Variants in PRR33 observed in about 807,000 individuals in gnomAD.
PRR33 encodes the protein proline rich 33.
In PRR33, 1 loss-of-function variant was observed where a neutral mutation model predicts 0.5. The observed-to-expected ratio is 2.18, with a 90% confidence interval of 0.77 to 10.34. The LOEUF (loss-of-function observed/expected upper bound fraction) is 10.34. PRR33 is among the 30% of genes most tolerant of loss of function. The probability of loss-of-function intolerance (pLI) is 0.13; values close to 1 mark genes in which losing one functional copy is unlikely to be tolerated. For missense variants in PRR33, 552 were observed against 251.8 expected (o/e 2.19, Z -8.07); for synonymous variants, 226 against 110.0 (o/e 2.06, Z -6.60).
At chr11:1,914,770 T>TTG in the PRR33 span, among the ~76,000 whole-genome samples, 1 of 138,346 alleles carries the variant, frequency 7.2e-6, no homozygotes, top group Non-Finnish European at 1.6e-5. Flanking sequence ...TTCTGTGTCT[T>TTG]TGTGTGTGTG....
At chr11:1,888,762 C>T (rs927391949) in exon 1 of PRR33, 4 of 188,672 alleles carry the variant, frequency 2.1e-5, no homozygotes, top group African/African-American at 9.3e-5. Context: ...CAAAAGGTGA[C>T]AGCAAAAGGG....
At chr11:1,915,653 TTA>T in the PRR33 span, among the ~76,000 whole-genome samples, 1 of 1,198 alleles carries the variant, frequency 8.3e-4, no homozygotes, top group African/African-American at 2.7e-3. Context: ...GGGGGTGATG[TTA>T]TGTGTGTGTG....
At chr11:1,906,029 T>C in the PRR33 span, among the ~76,000 whole-genome samples, 1 of 151,078 alleles carries the variant, frequency 6.6e-6, no homozygotes, top group Non-Finnish European at 1.5e-5. Flanking sequence ...TCTCCCTCTG[T>C]TGCCCAGGCT....
chr11:1,909,265 C>T, the PRR33 span, among the ~76,000 whole-genome samples: 2 of 151,484 alleles, frequency 1.3e-5, no homozygotes, highest in East Asian at 3.9e-4. Flanking sequence ...TTGCGAGGCT[C>T]GAGTCCAGGA....
chr11:1,907,286 A>G, the PRR33 span, among the ~76,000 whole-genome samples: 6 of 152,338 alleles, frequency 3.9e-5, no homozygotes, highest in East Asian at 9.6e-4. Flanking sequence ...ATAGACAGAA[A>G]CTTGAAATGG....
chr11:1,913,452 T>C, the PRR33 span, among the ~76,000 whole-genome samples: 1 of 152,136 alleles, frequency 6.6e-6, no homozygotes, highest in Non-Finnish European at 1.5e-5. Context: ...GGCCCCCGCT[T>C]TCTGATATAA....
the PRR33 span, among the ~76,000 whole-genome samples, chr11:1,908,700 C>A: frequency 1.3e-5 from 2 of 152,320 alleles, no homozygotes; most frequent in Middle Eastern, 6.8e-3. Context: ...AACTCTTCCG[C>A]CGACTCTCTG....
upstream of PRR33, among the ~76,000 whole-genome samples, chr11:1,893,897 A>C (rs1288563763): frequency 2.7e-5 from 4 of 148,638 alleles, no homozygotes; most frequent in African/African-American, 7.5e-5. Context: ...GGATAGGTGG[A>C]TGGATGAATG....
At chr11:1,908,702 G>A in the PRR33 span, among the ~76,000 whole-genome samples, 6 of 152,146 alleles carry the variant, frequency 3.9e-5, no homozygotes, top group Non-Finnish European at 5.9e-5. Flanking sequence ...CTCTTCCGCC[G>A]ACTCTCTGGG....
chr11:1,910,518 G>T, the PRR33 span, among the ~76,000 whole-genome samples: 1 of 152,202 alleles, frequency 6.6e-6, no homozygotes, highest in Non-Finnish European at 1.5e-5. Context: ...AAAGTGTTGG[G>T]ATTACAGGCG....
At position 1,890,663 on chromosome 11, in the gene PRR33, G is replaced by A. The variant is rs570562690; in HGVS notation, c.-79C>T. On this transcript the variant is annotated 5_prime_UTR_variant, in exon 1 of 1. Coordinates refer to ENST00000640310, the Ensembl canonical transcript of PRR33. ...GAGGTGGGAGGCCTGTGTCTCCTGT[G>A]GTCCAAGGAGGACCTGGGGCCAGGG... The A allele has an allele frequency of 4.5e-5, 29 of 644,060 alleles. No individual in the cohort carries two copies. In the South Asian group the frequency reaches 4.7e-4, roughly 11 times the overall value. The allele number at this position is 644,060 out of a possible 1,614,324, so 39.9% of individuals were successfully genotyped here. A position where few individuals can be genotyped will look rare whatever the true frequency, so the allele number is the denominator to read the frequency against.
At chr11:1,915,364 G>A in the PRR33 span, among the ~76,000 whole-genome samples, 1 of 150,354 alleles carries the variant, frequency 6.7e-6, no homozygotes, top group African/African-American at 2.5e-5. Context: ...GTGTTGTGGG[G>A]TCACACACGT....
the PRR33 span, chr11:1,907,794 G>A: frequency 6.6e-6 from 1 of 152,134 alleles, no homozygotes; most frequent in East Asian, 1.9e-4. Flanking sequence ...GGCATTTGAT[G>A]TGGAGAGCAA....
exon 1 of PRR33, chr11:1,889,678 C>T (rs909014649): frequency 2.8e-5 from 18 of 633,228 alleles, no homozygotes; most frequent in Middle Eastern, 2.5e-4. Flanking sequence ...GCCTCAGCGG[C>T]GGGGCCAGCC....
upstream of PRR33, among the ~76,000 whole-genome samples, chr11:1,896,642 G>A (rs7102920): frequency 0.42 from 63,636 of 151,916 alleles, 14,577 homozygotes; most frequent in Non-Finnish European, 0.53. Flanking sequence ...TCTTTTGGGG[G>A]CCTAATTGCA....
At chr11:1,903,326 T>TG in the PRR33 span, 9 of 61,414 alleles carry the variant, frequency 1.5e-4, no homozygotes, top group Non-Finnish European at 2.6e-4. Context: ...GAGCGGGGGG[T>TG]GGGGGGCGGG....
At chr11:1,903,911 G>T in the PRR33 span, among the ~76,000 whole-genome samples, 2 of 152,120 alleles carry the variant, frequency 1.3e-5, no homozygotes, top group African/African-American at 2.4e-5. Context: ...GCCAGTTTCC[G>T]CCTGACCCAG....
chr11:1,890,366 G>A, exon 1 of PRR33: 1 of 716,570 alleles, frequency 1.4e-6, no homozygotes, highest in Non-Finnish European at 2.6e-6. Context: ...CCTGGTCATG[G>A]CTGGCCTCAC....
the PRR33 span, among the ~76,000 whole-genome samples, chr11:1,904,267 G>A: frequency 2.8e-4 from 43 of 152,288 alleles, no homozygotes; most frequent in African/African-American, 1.0e-3. Flanking sequence ...AGTGGCTCAC[G>A]CCTGTAATCC....
Sources: allele counts gnomAD v4.1 joint callset (sites outside exome capture counted in the v4.1 genomes callset), GRCh38; gene constraint gnomAD v4.1.1; transcripts MANE v1.5; gene names NCBI Gene and HGNC (gene_info 2026-07-23, HGNC 2026-07-21).